Variants in ENTPD7 observed in about 807,000 individuals in gnomAD.
The protein encoded by ENTPD7 is ectonucleoside triphosphate diphosphohydrolase 7.
In ENTPD7, 53 loss-of-function variants were observed where a neutral mutation model predicts 77.9. The observed-to-expected ratio is 0.68, with a 90% CI of 0.55 to 0.85. The LOEUF (loss-of-function observed/expected upper bound fraction) is 0.85, where lower values mean the gene tolerates loss of function less well. ENTPD7 is among the 40% of genes least tolerant of loss of function. The pLI is 0.00. For missense variants in ENTPD7, 636 were observed against 743.7 expected (o/e 0.86, Z 1.68); for synonymous variants, 248 against 274.9 (o/e 0.90, Z 0.97).
chr10:99,675,991 C>T (rs1184526771), intron 3 of ENTPD7, among the ~76,000 whole-genome samples: 2 of 152,144 alleles, frequency 1.3e-5, no homozygotes, highest in African/African-American at 2.4e-5. Context: ...AATACTCCTC[C>T]TGTTTCCAAC....
At chr10:99,686,461 C>T (rs920323061) in intron 6 of ENTPD7, among the ~76,000 whole-genome samples, 12 of 152,058 alleles carry the variant, frequency 7.9e-5, no homozygotes, top group Admixed American at 7.2e-4. Context: ...TTCTTATAAA[C>T]GAGAAGGAGA....
At chr10:99,675,888 G>T (rs192996832) in intron 3 of ENTPD7, among the ~76,000 whole-genome samples, 1 of 152,144 alleles carries the variant, frequency 6.6e-6, no homozygotes, top group East Asian at 1.9e-4. Context: ...GAGCCACTGC[G>T]CCCAATCGTG....
At chr10:99,687,416 C>T (rs1355052046) in intron 6 of ENTPD7, among the ~76,000 whole-genome samples, 1 of 151,706 alleles carries the variant, frequency 6.6e-6, no homozygotes. Flanking sequence ...TAGGCGTGTG[C>T]CACCACGCCT....
chr10:99,663,283 G>A (rs1210646811), intron 3 of ENTPD7, among the ~76,000 whole-genome samples: 2 of 152,010 alleles, frequency 1.3e-5, no homozygotes, highest in Non-Finnish European at 2.9e-5. Flanking sequence ...CTTTAAAGAT[G>A]ATGCTTCACT....
chr10:99,709,811 T>C lies in ENTPD7; in HGVS notation c.*5128T>C, dbSNP rs2036328365. The C allele has an allele frequency of 1.0e-6, 1 of 985,412 alleles. No homozygotes were observed. The highest frequency in any genetic ancestry group is 1.1e-4 in the East Asian group (1 of 8,816). The allele number at this position is 985,412 out of a possible 1,614,324, so 61.0% of individuals were successfully genotyped here. A position where few individuals can be genotyped will look rare whatever the true frequency, so the allele number is the denominator to read the frequency against. ...ATTTCTCTTTTGCTCTAATATTTCATTATTTTCCAGTTTGTCAGTACCGTT... is the reference window on the plus strand; with the variant it reads ...ATTTCTCTTTTGCTCTAATATTTCACTATTTTCCAGTTTGTCAGTACCGTT... On this transcript the variant is annotated 3_prime_UTR_variant, in exon 13 of 13. Coordinates refer to ENST00000370489, the MANE Select transcript of ENTPD7 (RefSeq NM_020354.5).
At chr10:99,663,465 G>GT (rs796785991) in intron 3 of ENTPD7, among the ~76,000 whole-genome samples, 26,822 of 134,200 alleles carry the variant, frequency 0.2, 2,664 homozygotes, top group Middle Eastern at 0.38. Context: ...GATTTTATTT[G>GT]TTTTTTTTTT....
At position 99,710,965 on chromosome 10, in the gene ENTPD7, C is replaced by A. The variant is rs2036363220; in HGVS notation, c.*6282C>A. ...AAATATTAAGGGAAATCTATTTAATCCTATAGGTATGTGATGACTTGTTTT... is the reference window on the plus strand; with the variant it reads ...AAATATTAAGGGAAATCTATTTAATACTATAGGTATGTGATGACTTGTTTT... On this transcript the variant is annotated 3_prime_UTR_variant, in exon 13 of 13. Coordinates refer to ENST00000370489, the MANE Select transcript of ENTPD7 (RefSeq NM_020354.5). 1.0e-6 allele frequency: 1 copy of A among 985,122 alleles called. No homozygotes were observed. The highest frequency in any genetic ancestry group is 1.7e-5 in the African/African-American group (1 of 57,176). 61.0% of individuals were successfully genotyped at this position (985,122 alleles called of 1,614,324 possible).
chr10:99,701,939 T>C (rs1369087905), intron 11 of ENTPD7, among the ~76,000 whole-genome samples: 3 of 151,894 alleles, frequency 2.0e-5, no homozygotes, highest in African/African-American at 7.3e-5. Context: ...TCCCAGCTAC[T>C]CGGGAGGCTG....
intron 3 of ENTPD7, among the ~76,000 whole-genome samples, chr10:99,666,699 C>T (rs1202899154): frequency 2.6e-5 from 4 of 152,186 alleles, no homozygotes; most frequent in Admixed American, 2.0e-4. Flanking sequence ...ATAGCTTAGC[C>T]TAGCCTACTT....
Position 99,707,604 on chromosome 10 carries a change from A to G in ENTPD7, c.*2921A>G, listed in dbSNP as rs1469691386. ...CCACTGGTTCCTTTGAATCTTACCA[A>G]CCACTCTTGTTAACAGAGACAATGA... On this transcript the variant is annotated 3_prime_UTR_variant, in exon 13 of 13. Coordinates refer to ENST00000370489, the MANE Select transcript of ENTPD7 (RefSeq NM_020354.5). 1.3e-5 allele frequency among the ~76,000 whole-genome samples: 2 copies of G among 152,182 alleles called. No individual in the cohort carries two copies. Among genetic ancestry groups the G allele is most frequent in the East Asian group, 3.8e-4 (2 of 5,196 alleles).
rs1165676467 is a variant in ENTPD7, at chr10:99,706,870, A to G, written c.*2187A>G. On this transcript the variant is annotated 3_prime_UTR_variant, in exon 13 of 13. Transcript: ENST00000370489. ...TTTGGTTTTTTGTGAGATCTAATCA[A>G]TGATCTAGTCAGAAGCTACTTCACT... is the stretch of plus-strand genomic sequence containing the variant. Among the ~76,000 whole-genome samples the G allele has an allele frequency of 6.6e-6, 1 of 152,178 alleles. No homozygotes were observed. The highest frequency in any genetic ancestry group is 1.5e-5 in the Non-Finnish European group (1 of 68,032).
Position 99,706,711 on chromosome 10 carries a change from A to G in ENTPD7, c.*2028A>G, listed in dbSNP as rs1428907519. 1.3e-5 allele frequency among the ~76,000 whole-genome samples: 2 copies of G among 152,122 alleles called. No homozygotes were observed. Among genetic ancestry groups the G allele is most frequent in the Non-Finnish European group, 2.9e-5 (2 of 68,008 alleles). ...ATTTCCTTTGGTTTTTAAGACTTCT[A>G]CATTGCTTTTTCTTTTATTATCTGT... On this transcript the variant is annotated 3_prime_UTR_variant, in exon 13 of 13. Coordinates refer to ENST00000370489, the MANE Select transcript of ENTPD7 (RefSeq NM_020354.5).
At chr10:99,660,921 CAA>C (rs33958635) in intron 2 of ENTPD7, among the ~76,000 whole-genome samples, 38 of 143,648 alleles carry the variant, frequency 2.6e-4, no homozygotes, top group Admixed American at 4.8e-4. Context: ...GACTCCATCT[CAA>C]AAAAAAAAAA....
intron 8 of ENTPD7, among the ~76,000 whole-genome samples, chr10:99,692,738 A>T (rs1000581490): frequency 2.0e-5 from 3 of 152,206 alleles, no homozygotes; most frequent in African/African-American, 4.8e-5. Flanking sequence ...GAGTGCTATC[A>T]TAAGGGGACT....
At chr10:99,690,517 A>G (rs2035867180) in intron 7 of ENTPD7, among the ~76,000 whole-genome samples, 1 of 148,094 alleles carries the variant, frequency 6.8e-6, no homozygotes, top group Non-Finnish European at 1.5e-5. Flanking sequence ...ATAAACATTT[A>G]TTTGTTTTAT....
At chr10:99,695,886 A>G (rs2035964895) in intron 8 of ENTPD7, 70 bp from the exon 9 acceptor site, 2 of 1,441,942 alleles carry the variant, frequency 1.4e-6, no homozygotes, top group African/African-American at 2.8e-5. Flanking sequence ...CTCGTGTATT[A>G]GCAATGTCAT....
Position 99,708,521 on chromosome 10 carries a change from A to C in ENTPD7, c.*3838A>C, listed in dbSNP as rs748303676. Among the ~76,000 whole-genome samples, 2 of 152,172 alleles carry C rather than the reference A, an allele frequency of 1.3e-5. No homozygotes were observed. The highest frequency in any genetic ancestry group is 2.9e-5 in the Non-Finnish European group (2 of 68,028). ...ACCATCTCTGGTTCGGTTCTCATCT[A>C]TCAAACAAAGAGGCTAGACAAGATT... On this transcript the variant is annotated 3_prime_UTR_variant, in exon 13 of 13. Transcript: ENST00000370489.
At chr10:99,699,004 T>C (rs907468283) in intron 10 of ENTPD7, 146 bp downstream of exon 10, 3 of 719,092 alleles carry the variant, frequency 4.2e-6, no homozygotes, top group Admixed American at 3.1e-5. Context: ...ATTTTACAGA[T>C]GAGGAAGTGG....
intron 12 of ENTPD7, among the ~76,000 whole-genome samples, 197 bp from the exon 13 acceptor site, chr10:99,704,255 C>T (rs1433160654): frequency 6.6e-6 from 1 of 152,004 alleles, no homozygotes; most frequent in Non-Finnish European, 1.5e-5. Flanking sequence ...TTCTGGGGGC[C>T]GTGGGAAGGA....
Sources: gnomAD v4.1 joint callset for allele counts (sites outside exome capture counted in the v4.1 genomes callset) on GRCh38, gnomAD v4.1.1 for gene constraint, MANE v1.5 for transcripts, NCBI Gene and HGNC (gene_info 2026-07-23, HGNC 2026-07-21) for gene names.